The following RHOU variants were observed in gnomAD, a reference collection of about 807,000 sequenced individuals.
The protein encoded by RHOU is ras homolog family member U, also known as rho-related GTP-binding protein RhoU.
In RHOU, 8 loss-of-function variants were observed where a neutral mutation model predicts 12.6. The ratio of observed to expected loss-of-function variants is 0.64; its 90% confidence interval spans 0.37 to 1.15. The LOEUF is 1.15. Among genes scored for constraint, RHOU ranks in the 50% most tolerant of loss-of-function variants. The probability of loss-of-function intolerance (pLI) is 0.01; values close to 1 mark genes in which losing one functional copy is unlikely to be tolerated. For synonymous variants in RHOU, 161 were observed against 147.4 expected (o/e 1.09, Z -0.67); for missense variants, 258 against 347.0 (o/e 0.74, Z 2.04).
At chr1:228,717,228 T>C in the RHOU span, among the ~76,000 whole-genome samples, 2 of 152,220 alleles carry the variant, frequency 1.3e-5, no homozygotes, top group African/African-American at 4.8e-5. Flanking sequence ...CTATTTGATA[T>C]ATCTACTTTG....
the RHOU span, among the ~76,000 whole-genome samples, chr1:228,720,599 T>A: frequency 6.6e-6 from 1 of 152,124 alleles, no homozygotes; most frequent in African/African-American, 2.4e-5. Flanking sequence ...GAGAAGAAGA[T>A]GAAGACAAGG....
the RHOU span, among the ~76,000 whole-genome samples, chr1:228,665,225 A>T: frequency 1.3e-5 from 2 of 152,224 alleles, no homozygotes; most frequent in African/African-American, 2.4e-5. Flanking sequence ...AGCACTTCAC[A>T]TGCTTTAATT....
chr1:228,707,235 G>GTA, the RHOU span, among the ~76,000 whole-genome samples: 300 of 76,726 alleles, frequency 3.9e-3, 2 homozygotes, highest in Non-Finnish European at 5.5e-3. Context: ...ATATACATAT[G>GTA]TATATATATA....
the RHOU span, among the ~76,000 whole-genome samples, chr1:228,662,559 T>C: frequency 6.6e-6 from 1 of 152,052 alleles, no homozygotes; most frequent in Non-Finnish European, 1.5e-5. Flanking sequence ...TAAACCATCA[T>C]TCTGAGCAAA....
the RHOU span, chr1:228,687,657 C>A: frequency 1.9e-6 from 3 of 1,546,864 alleles, no homozygotes; most frequent in Non-Finnish European, 2.6e-6. Flanking sequence ...CAAAAATGAC[C>A]CCCATTTGTG....
At chr1:228,725,426 T>TCCCCCC in the RHOU span, among the ~76,000 whole-genome samples, 1 of 68,150 alleles carries the variant, frequency 1.5e-5, no homozygotes, top group Non-Finnish European at 2.7e-5. Flanking sequence ...GCTGTGGCCC[T>TCCCCCC]GAGCTTCTGC....
the RHOU span, chr1:228,687,859 G>T: frequency 9.5e-7 from 1 of 1,057,704 alleles, no homozygotes; most frequent in Non-Finnish European, 1.5e-6. Context: ...AGCCGTGGGA[G>T]TGACTTCCCT....
chr1:228,728,435 T>C, the RHOU span, among the ~76,000 whole-genome samples: 1 of 152,222 alleles, frequency 6.6e-6, no homozygotes, highest in Non-Finnish European at 1.5e-5. Context: ...TGGAAGATGA[T>C]ACCCCCATTA....
chr1:228,707,105 C>CATATATATATATATATATATACATATAT, the RHOU span, among the ~76,000 whole-genome samples: 1 of 70,844 alleles, frequency 1.4e-5, no homozygotes, highest in East Asian at 4.1e-4. Flanking sequence ...TATATACATA[C>CATATATATATATATATATATACATATAT]ATATATATAT....
chr1:228,660,630 C>T, the RHOU span, among the ~76,000 whole-genome samples: 1 of 151,488 alleles, frequency 6.6e-6, no homozygotes, highest in Non-Finnish European at 1.5e-5. Context: ...CAAGCAGAAG[C>T]CTAAAACTAT....
the RHOU span, among the ~76,000 whole-genome samples, chr1:228,670,745 A>T: frequency 6.6e-6 from 1 of 152,114 alleles, no homozygotes; most frequent in Non-Finnish European, 1.5e-5. Flanking sequence ...AGGTGACTGG[A>T]TCATGGGGGC....
At chr1:228,733,755 T>C (rs1000014968), upstream of RHOU, among the ~76,000 whole-genome samples, 14 of 152,216 alleles carry the variant, frequency 9.2e-5, no homozygotes, top group South Asian at 2.1e-4. Flanking sequence ...CAGAGGGTCA[T>C]AGGTATGTCA....
the RHOU span, among the ~76,000 whole-genome samples, chr1:228,725,832 A>G: frequency 4.6e-5 from 7 of 152,234 alleles, no homozygotes; most frequent in African/African-American, 9.6e-5. Flanking sequence ...CTTGGAGTTA[A>G]TAAAGGGACT....
the RHOU span, among the ~76,000 whole-genome samples, chr1:228,703,453 G>A: frequency 1.3e-4 from 20 of 152,046 alleles, 1 homozygote; most frequent in Admixed American, 8.5e-4. Flanking sequence ...GTGAACCCGG[G>A]AGGTGATGGT....
the RHOU span, among the ~76,000 whole-genome samples, chr1:228,711,226 A>C: frequency 6.6e-6 from 1 of 151,944 alleles, no homozygotes; most frequent in African/African-American, 2.4e-5. Flanking sequence ...GAAAATGGCC[A>C]TACTGCCCAA....
the RHOU span, among the ~76,000 whole-genome samples, chr1:228,665,295 C>T: frequency 3.3e-5 from 5 of 152,224 alleles, no homozygotes; most frequent in East Asian, 7.7e-4. Context: ...TCCATTGTAC[C>T]GATAAAGAAA....
At chr1:228,703,150 T>A in the RHOU span, among the ~76,000 whole-genome samples, 1 of 152,124 alleles carries the variant, frequency 6.6e-6, no homozygotes, top group Non-Finnish European at 1.5e-5. Flanking sequence ...AAAACAACAG[T>A]AAGAGTTTCT....
At chr1:228,715,531 A>C in the RHOU span, among the ~76,000 whole-genome samples, 1 of 152,144 alleles carries the variant, frequency 6.6e-6, no homozygotes, top group Non-Finnish European at 1.5e-5. Context: ...TTTATACTTT[A>C]TGGAACTTAC....
chr1:228,740,679 C>G (rs1048070459), intron 2 of RHOU, among the ~76,000 whole-genome samples: 1 of 152,156 alleles, frequency 6.6e-6, no homozygotes, highest in African/African-American at 2.4e-5. Context: ...GACATAAGAG[C>G]CTTGAGGGTT....
Sources: allele counts gnomAD v4.1 joint callset (sites outside exome capture counted in the v4.1 genomes callset), GRCh38; gene constraint gnomAD v4.1.1; transcripts MANE v1.5; gene names NCBI Gene and HGNC (gene_info 2026-07-23, HGNC 2026-07-21).